The following DOCK3 variants were observed in gnomAD, a reference collection of about 807,000 sequenced individuals.
The protein encoded by DOCK3 is dedicator of cytokinesis protein 3.
DOCK3 carries 60 observed loss-of-function variants against 265.6 expected under a neutral mutation model. The ratio of observed to expected loss-of-function variants is 0.23; its 90% CI spans 0.18 to 0.28. The LOEUF (loss-of-function observed/expected upper bound fraction) is 0.28. DOCK3 is among the 10% of genes least tolerant of loss of function. The pLI is 1.00. For missense variants in DOCK3, 1,981 were observed against 2,594.3 expected, an observed-to-expected ratio of 0.76 and a Z score of 5.14; for synonymous variants, 881 against 938.0, an observed-to-expected ratio of 0.94 and a Z score of 1.11.
chr3:50,850,872 C>A (rs753039529), intron 3 of DOCK3, among the ~76,000 whole-genome samples: 6 of 152,184 alleles, frequency 3.9e-5, no homozygotes, highest in Non-Finnish European at 7.3e-5. Flanking sequence ...ACCAATGGGT[C>A]TGACTATGTA....
At position 51,016,752 on chromosome 3, in the gene DOCK3, T is replaced by TA. The variant is rs1258634015; in HGVS notation, c.316-47694dup. ...ATGATACATATTATATATATCAATA[T>TA]AATATATATGATATATGTTTATATA... On this transcript the variant is annotated intron_variant, in intron 5 of 52. Transcript: ENST00000266037. Among the ~76,000 whole-genome samples the TA allele has an allele frequency of 6.6e-3, 97 of 14,614 alleles. 44 individuals are homozygous for TA. Among genetic ancestry groups the TA allele is most frequent in the African/African-American group, 0.059 (91 of 1,542 alleles). 9.6% of individuals were successfully genotyped at this position (14,614 alleles called of 152,430 possible).
chr3:51,093,941 A>G (rs1380984286), intron 9 of DOCK3, among the ~76,000 whole-genome samples: 1 of 152,128 alleles, frequency 6.6e-6, no homozygotes, highest in Non-Finnish European at 1.5e-5. Context: ...GGTTTTTGTC[A>G]TTGGTTCTGT....
intron 1 of DOCK3, among the ~76,000 whole-genome samples, chr3:50,715,205 A>G (rs1002599526): frequency 1.3e-5 from 2 of 152,194 alleles, no homozygotes; most frequent in Non-Finnish European, 2.9e-5. Flanking sequence ...GCTCGGGTGG[A>G]TCAGGAAATG....
At chr3:50,690,145 T>C (rs1363078926) in intron 1 of DOCK3, among the ~76,000 whole-genome samples, 1 of 151,822 alleles carries the variant, frequency 6.6e-6, no homozygotes, top group East Asian at 1.9e-4. Context: ...CTTTTTTTTT[T>C]TTTTTGGAGA....
intron 5 of DOCK3, among the ~76,000 whole-genome samples, chr3:50,967,498 C>A (rs904508511): frequency 3.9e-5 from 6 of 152,038 alleles, no homozygotes; most frequent in African/African-American, 1.4e-4. Context: ...GATTTCTTTT[C>A]CTTTGGATAA....
chr3:51,207,557 A>T (rs1473616329), intron 12 of DOCK3, among the ~76,000 whole-genome samples: 2 of 152,246 alleles, frequency 1.3e-5, no homozygotes, highest in South Asian at 4.2e-4. Flanking sequence ...TGAGTAAATG[A>T]GATATATTTT....
Position 51,227,385 on chromosome 3 carries a change from C to A in DOCK3, c.1480C>A (p.Pro494Thr). The change falls in exon 16 of 53, where the codon CCT (proline) becomes ACT (threonine). Residue 494 changes from proline (P) to threonine (T), a missense_variant. By Grantham distance (38) the Pro-to-Thr change is conservative. Around this residue, in one of 4 missense-constraint regions of DOCK3, gnomAD observed 1,357 missense variants for 1,866.8 expected, o/e 0.73. Transcript: ENST00000266037. ...SPRWGEIIKL[P>T]IPIDRFRGSH... ...TCGCTGGGGAGAAATTATCAAATTG[C>A]CTATCCCCATTGACCGGTTCCGGGG... is the stretch of plus-strand genomic sequence containing the variant. 1 of 1,613,944 alleles carries A rather than the reference C, an allele frequency of 6.2e-7. No individual in the cohort carries two copies. The highest frequency in any genetic ancestry group is 8.5e-7 in the Non-Finnish European group (1 of 1,179,856).
chr3:51,248,383 C>T lies in DOCK3; in HGVS notation c.2184+1576C>T, dbSNP rs568571753. Among the ~76,000 whole-genome samples, 5 of 152,314 alleles carry T rather than the reference C, an allele frequency of 3.3e-5. No individual in the cohort carries two copies. The South Asian group carries it at 1.0e-3, about 32-fold the overall frequency. ...GGTTTTCGTATTTTTTTGGTGGAGA[C>T]GGGGTTTCGCTGTGTTGGCCGGGCT... On this transcript the variant is annotated intron_variant, in intron 22 of 52. Transcript: ENST00000266037.
At chr3:51,363,964 T>A (rs1311039156) in intron 49 of DOCK3, among the ~76,000 whole-genome samples, 1 of 152,244 alleles carries the variant, frequency 6.6e-6, no homozygotes, top group African/African-American at 2.4e-5. Flanking sequence ...CATGTGTCTT[T>A]ATAGTAGCAT....
chr3:50,888,752 C>T (rs1185639892), intron 3 of DOCK3, among the ~76,000 whole-genome samples: 23 of 152,196 alleles, frequency 1.5e-4, no homozygotes. Context: ...GAAAAACAAG[C>T]AATGGGGAAA....
At chr3:50,826,538 A>G (rs1228309560) in intron 2 of DOCK3, among the ~76,000 whole-genome samples, 1 of 152,230 alleles carries the variant, frequency 6.6e-6, no homozygotes, top group Non-Finnish European at 1.5e-5. Context: ...AGGATATTTG[A>G]AGATGCCTCT....
At chr3:50,982,135 C>G (rs1432632145) in intron 5 of DOCK3, among the ~76,000 whole-genome samples, 1 of 152,158 alleles carries the variant, frequency 6.6e-6, no homozygotes, top group African/African-American at 2.4e-5. Context: ...AGGGGTGAAC[C>G]ACTGCCCCTG....
At chr3:51,190,850 G>A (rs1418773067) in intron 12 of DOCK3, among the ~76,000 whole-genome samples, 2 of 152,150 alleles carry the variant, frequency 1.3e-5, no homozygotes, top group African/African-American at 4.8e-5. Context: ...CCACTTGCAG[G>A]GCAAGCACTG....
intron 1 of DOCK3, among the ~76,000 whole-genome samples, chr3:50,714,700 G>T (rs892598416): frequency 2.0e-5 from 3 of 152,154 alleles, no homozygotes; most frequent in African/African-American, 7.2e-5. Context: ...GCCTCCTAAT[G>T]TGCTGAGATT....
intron 22 of DOCK3, among the ~76,000 whole-genome samples, chr3:51,252,635 G>T (rs1017763011): frequency 2.0e-5 from 3 of 152,162 alleles, no homozygotes; most frequent in Non-Finnish European, 4.4e-5. Context: ...TTGTGAATGG[G>T]AGTTCATTCC....
chr3:50,702,200 A>G (rs2036085260), intron 1 of DOCK3, among the ~76,000 whole-genome samples: 1 of 152,190 alleles, frequency 6.6e-6, no homozygotes, highest in Non-Finnish European at 1.5e-5. Context: ...ATCCATGAGC[A>G]TGGGATTTCT....
At chr3:50,873,354 G>C (rs1417465886) in intron 3 of DOCK3, among the ~76,000 whole-genome samples, 2 of 152,120 alleles carry the variant, frequency 1.3e-5, no homozygotes, top group Non-Finnish European at 2.9e-5. Flanking sequence ...CCTGGAAAGG[G>C]GACCTCATGA....
At chr3:50,717,483 G>A (rs969199316) in intron 1 of DOCK3, among the ~76,000 whole-genome samples, 1 of 152,010 alleles carries the variant, frequency 6.6e-6, no homozygotes, top group Admixed American at 6.6e-5. Context: ...ATGTATGTGT[G>A]TATATATACC....
At chr3:51,047,626 G>A (rs1457339155) in intron 5 of DOCK3, among the ~76,000 whole-genome samples, 1 of 152,092 alleles carries the variant, frequency 6.6e-6, no homozygotes, top group African/African-American at 2.4e-5. Context: ...TTATATGCCA[G>A]TAAATTGACA....
Sources: gnomAD v4.1 joint callset for allele counts (sites outside exome capture counted in the v4.1 genomes callset) on GRCh38, gnomAD v4.1.1 for gene constraint, gnomAD v4.1.1 regional missense constraint, MANE v1.5 for transcripts, NCBI Gene and HGNC (gene_info 2026-07-23, HGNC 2026-07-21) for gene names.